Variants in MYO10 observed in about 807,000 individuals in gnomAD.
The protein encoded by MYO10 is myosin X.
MYO10 carries 133 observed loss-of-function variants against 257.3 expected under a neutral mutation model. The ratio of observed to expected loss-of-function variants is 0.52; its 90% CI spans 0.45 to 0.60. The LOEUF is 0.60. MYO10 is among the 20% of genes least tolerant of loss of function. MYO10 has a pLI of 0.00. For synonymous variants in MYO10, 1,104 were observed against 1,028.6 expected (o/e 1.07, Z -1.40); for missense variants, 2,399 against 2,635.7 (o/e 0.91, Z 1.97).
At chr5:16,891,839 T>C (rs1048059189) in intron 1 of MYO10, among the ~76,000 whole-genome samples, 1 of 152,202 alleles carries the variant, frequency 6.6e-6, no homozygotes, top group African/African-American at 2.4e-5. Flanking sequence ...AGTAAAGGAA[T>C]ATCAGCTCTC....
chr5:16,906,598 A>T (rs1199163703), intron 1 of MYO10, among the ~76,000 whole-genome samples: 1 of 152,176 alleles, frequency 6.6e-6, no homozygotes, highest in Non-Finnish European at 1.5e-5. Flanking sequence ...GGATGTCAGA[A>T]GCCAGCATGG....
intron 3 of MYO10, among the ~76,000 whole-genome samples, chr5:16,805,000 C>G (rs1300150545): frequency 6.6e-6 from 1 of 152,180 alleles, no homozygotes; most frequent in African/African-American, 2.4e-5. Context: ...ACTTACCACC[C>G]CACTCTTCAA....
At chr5:16,821,547 A>T (rs1329219867) in intron 2 of MYO10, among the ~76,000 whole-genome samples, 2 of 130,180 alleles carry the variant, frequency 1.5e-5, no homozygotes, top group Non-Finnish European at 1.5e-5. Flanking sequence ...GCTCACTGCA[A>T]CCTCCACCTC....
intron 19 of MYO10, among the ~76,000 whole-genome samples, chr5:16,733,838 G>T (rs12189316): frequency 0.26 from 39,194 of 152,018 alleles, 5,475 homozygotes; most frequent in African/African-American, 0.34. Context: ...CTCTGGGCAG[G>T]GGGCGCCACG....
At position 16,672,727 on chromosome 5, in the gene MYO10, A is replaced by T; in HGVS notation, c.5271T>A (p.Ser1757Arg). 6.2e-7 allele frequency: 1 copy of T among 1,614,026 alleles called. No individual in the cohort carries two copies. Among genetic ancestry groups the T allele is most frequent in the East Asian group, 2.2e-5 (1 of 44,882 alleles). The change falls in exon 37 of 41, where the codon AGT (serine) becomes AGA (arginine). Residue 1757 changes from serine (S) to arginine (R), a missense_variant. Coordinates refer to ENST00000513610, the MANE Select transcript of MYO10 (RefSeq NM_012334.3). ...CTAAGACATCAGCTACGACGGTTCG[A>T]CTTTCAATGGCTTTGTCGACGTGGC... ...YNGHVDKAIE[S>R]RTVVADVLAK...
At chr5:16,749,374 C>T (rs1474804581) in intron 19 of MYO10, among the ~76,000 whole-genome samples, 3 of 151,628 alleles carry the variant, frequency 2.0e-5, no homozygotes, top group African/African-American at 7.3e-5. Context: ...GTAATCTTCG[C>T]TACTTGGAAG....
At chr5:16,719,739 G>A (rs1282572018) in intron 19 of MYO10, among the ~76,000 whole-genome samples, 1 of 152,150 alleles carries the variant, frequency 6.6e-6, no homozygotes, top group Non-Finnish European at 1.5e-5. Context: ...TGAGGTGGGT[G>A]GATCACCAGA....
At chr5:16,778,837 C>T (rs946138626) in intron 9 of MYO10, among the ~76,000 whole-genome samples, 1 of 151,986 alleles carries the variant, frequency 6.6e-6, no homozygotes, top group South Asian at 2.1e-4. Flanking sequence ...ACTATAGGCG[C>T]CCGCCACCAC....
chr5:16,773,971 A>G (rs1741137525), intron 9 of MYO10, among the ~76,000 whole-genome samples: 1 of 152,238 alleles, frequency 6.6e-6, no homozygotes, highest in Non-Finnish European at 1.5e-5. Context: ...CAATGCAGAC[A>G]TGTATGCTAA....
intron 2 of MYO10, among the ~76,000 whole-genome samples, chr5:16,854,572 C>CAG (rs141910846): frequency 0.012 from 1,851 of 152,260 alleles, 34 homozygotes; most frequent in Middle Eastern, 0.034. Flanking sequence ...TTGGGAATGA[C>CAG]AGCTCAGGGT....
intron 9 of MYO10, among the ~76,000 whole-genome samples, chr5:16,772,150 G>A (rs1484174562): frequency 7.6e-6 from 1 of 130,850 alleles, no homozygotes; most frequent in African/African-American, 2.9e-5. Context: ...TTTTTTTTTT[G>A]AGATGGAGTT....
Position 16,762,641 on chromosome 5 carries a change from G to A in MYO10, c.1495-4C>T. On this transcript the variant is annotated splice_region_variant and splice_polypyrimidine_tract_variant and intron_variant, in intron 14 of 40. Coordinates refer to ENST00000513610, the MANE Select transcript of MYO10 (RefSeq NM_012334.3). ...TAAGGGCTAGGAGGCCAAGTTTCTA[G>A]AAGAAGAAAAAGAAAAAATGAATTA... The A allele has an allele frequency of 1.3e-6, 2 of 1,587,212 alleles. No homozygotes were observed. Among genetic ancestry groups the A allele is most frequent in the South Asian group, 2.3e-5 (2 of 86,970 alleles).
chr5:16,715,392 ATTTTTT>A (rs372307063), intron 19 of MYO10, among the ~76,000 whole-genome samples: 9 of 84,370 alleles, frequency 1.1e-4, no homozygotes, highest in African/African-American at 2.3e-4. Context: ...TAAGATTGAA[ATTTTTT>A]TTTTTTTTTT....
chr5:16,728,794 C>A (rs146574486), intron 19 of MYO10, among the ~76,000 whole-genome samples: 62 of 152,178 alleles, frequency 4.1e-4, no homozygotes, highest in Admixed American at 1.2e-3. Flanking sequence ...ACCAGAAGAG[C>A]GTGACTCCAA....
rs537173522 is a variant in MYO10, at chr5:16,779,474, G to A, written c.930+71C>T. ...CTATTTAAAAAAATCTTTTGAAACC[G>A]AAAATGAAATCTGTTACTCTTAATA... On this transcript the variant is annotated intron_variant, in intron 9 of 40. Transcript: ENST00000513610. The A allele has an allele frequency of 6.9e-4, 643 of 931,652 alleles. 4 individuals are homozygous for A. The highest frequency in any genetic ancestry group is 3.5e-3 in the Middle Eastern group (13 of 3,672). 57.7% of individuals were successfully genotyped at this position (931,652 alleles called of 1,614,324 possible). A position where few individuals can be genotyped will look rare whatever the true frequency, so the allele number is the denominator to read the frequency against.
chr5:16,810,887 G>A (rs1314007173), intron 3 of MYO10, among the ~76,000 whole-genome samples: 2 of 151,988 alleles, frequency 1.3e-5, no homozygotes, highest in African/African-American at 4.8e-5. Context: ...GGCCAACGTG[G>A]TGAAACCCTG....
chr5:16,877,562 A>G (rs1744640765), intron 2 of MYO10, 47 bp downstream of exon 2: 2 of 1,496,724 alleles, frequency 1.3e-6, no homozygotes, highest in East Asian at 2.3e-5. Flanking sequence ...ACGAATAGCT[A>G]CAAAGCAGAC....
chr5:16,863,749 T>C (rs578036919), intron 2 of MYO10, among the ~76,000 whole-genome samples: 2 of 152,272 alleles, frequency 1.3e-5, no homozygotes, highest in East Asian at 3.9e-4. Flanking sequence ...ACCCTCTTCA[T>C]TTCATTCTGG....
intron 2 of MYO10, among the ~76,000 whole-genome samples, chr5:16,848,529 T>C (rs1425669556): frequency 4.6e-5 from 7 of 152,166 alleles, no homozygotes. Context: ...ATAATGATGA[T>C]GTCGCCTTTC....
Sources: gnomAD v4.1 joint callset for allele counts (sites outside exome capture counted in the v4.1 genomes callset) on GRCh38, gnomAD v4.1.1 for gene constraint, MANE v1.5 for transcripts, NCBI Gene and HGNC (gene_info 2026-07-23, HGNC 2026-07-21) for gene names.